ITGBL1: variants seen among roughly 807,000 people sequenced by gnomAD.
ITGBL1 encodes the protein integrin subunit beta like 1, also known as integrin beta-like protein 1.
ITGBL1 carries 51 observed loss-of-function variants against 68.5 expected under a neutral mutation model. The ratio of observed to expected loss-of-function variants is 0.74; its 90% CI spans 0.59 to 0.94. ITGBL1 has a LOEUF of 0.94. ITGBL1 is among the 40% of genes least tolerant of loss of function. The pLI, the probability that ITGBL1 is intolerant of heterozygous loss-of-function variation, is 0.00. For missense variants in ITGBL1, 649 were observed against 647.4 expected (o/e 1.00, Z -0.03); for synonymous variants, 209 against 227.3 (o/e 0.92, Z 0.72).
intron 6 of ITGBL1, among the ~76,000 whole-genome samples, chr13:101,596,045 G>A (rs1437775369): frequency 3.3e-4 from 2 of 6,094 alleles, no homozygotes; most frequent in Non-Finnish European, 7.9e-4. Flanking sequence ...ATTTACATAT[G>A]TGTGTGTGTG....
chr13:101,683,976 A>G (rs1045126042), intron 7 of ITGBL1, among the ~76,000 whole-genome samples: 1 of 151,914 alleles, frequency 6.6e-6, no homozygotes, highest in Non-Finnish European at 1.5e-5. Flanking sequence ...CAGTTGTCAG[A>G]TATGTGTGTC....
At chr13:101,718,930 C>G (rs962167795), downstream of ITGBL1, 11 of 151,972 alleles carry the variant, frequency 7.2e-5, no homozygotes, top group African/African-American at 2.7e-4. Flanking sequence ...CTATTTCACT[C>G]AAAGTAAGAC....
chr13:101,665,953 G>C (rs1268055972), intron 7 of ITGBL1, among the ~76,000 whole-genome samples: 1 of 152,084 alleles, frequency 6.6e-6, no homozygotes, highest in Non-Finnish European at 1.5e-5. Flanking sequence ...CTTTGTTATT[G>C]ATCCTTGTAG....
chr13:101,454,065 G>C lies in ITGBL1; in HGVS notation c.281G>C (p.Trp94Ser). Residue 94 changes from tryptophan (W) to serine (S), a missense_variant, in exon 2 of 11, where the codon TGG (tryptophan) becomes TCG (serine). By Grantham distance (177) the Trp-to-Ser change is radical (BLOSUM62 -3). Coordinates refer to ENST00000376180, the MANE Select transcript of ITGBL1 (RefSeq NM_004791.3). ...FFGPLCECHE[W>S]VCETYDGSTC... Reference sequence around the variant, plus strand: ...GGGCCCCTGTGTGAGTGCCATGAGTGGGTGTGCGAGACCTACGACGGGAGC... The same window carrying C: ...GGGCCCCTGTGTGAGTGCCATGAGTCGGTGTGCGAGACCTACGACGGGAGC... The C allele has an allele frequency of 6.3e-7, 1 of 1,589,384 alleles. No individual in the cohort carries two copies. Among genetic ancestry groups the C allele is most frequent in the Non-Finnish European group, 8.6e-7 (1 of 1,168,168 alleles).
chr13:101,522,003 C>T (rs755021371), intron 2 of ITGBL1, among the ~76,000 whole-genome samples: 8 of 151,600 alleles, frequency 5.3e-5, no homozygotes, highest in South Asian at 4.2e-4. Flanking sequence ...TTTATGCTCA[C>T]AGTGGGAGAG....
intron 2 of ITGBL1, among the ~76,000 whole-genome samples, chr13:101,474,159 G>T (rs1299390706): frequency 1.3e-5 from 2 of 152,144 alleles, no homozygotes; most frequent in African/African-American, 4.8e-5. Flanking sequence ...CAGTTCTACA[G>T]TTCTAGGCCT....
intron 3 of ITGBL1, among the ~76,000 whole-genome samples, chr13:101,569,435 C>G (rs9554807): frequency 6.6e-5 from 10 of 152,020 alleles, no homozygotes; most frequent in African/African-American, 2.4e-4. Flanking sequence ...ACAATGTAAA[C>G]GCATTTCTAG....
intron 7 of ITGBL1, among the ~76,000 whole-genome samples, chr13:101,647,881 GAAAGTGACTAAC>G (rs765002876): frequency 3.3e-5 from 5 of 152,188 alleles, no homozygotes; most frequent in Non-Finnish European, 5.9e-5. Flanking sequence ...AAGCCAAGAA[GAAAGTGACTAAC>G]AAATTGATTA....
intron 7 of ITGBL1, among the ~76,000 whole-genome samples, chr13:101,640,803 C>T (rs1051757993): frequency 2.6e-5 from 4 of 152,088 alleles, no homozygotes; most frequent in Non-Finnish European, 5.9e-5. Flanking sequence ...GTAGTCCCCA[C>T]TGTCTATTGT....
At chr13:101,615,481 G>T (rs2139375555) in intron 7 of ITGBL1, among the ~76,000 whole-genome samples, 1 of 152,186 alleles carries the variant, frequency 6.6e-6, no homozygotes, top group Middle Eastern at 3.4e-3. Flanking sequence ...TTGCTGATTT[G>T]TGCACATTAC....
At chr13:101,592,413 C>T (rs1035400531) in intron 6 of ITGBL1, among the ~76,000 whole-genome samples, 4 of 151,870 alleles carry the variant, frequency 2.6e-5, no homozygotes, top group Non-Finnish European at 4.4e-5. Flanking sequence ...TATCTGCGGT[C>T]GTGTCAAAAA....
At position 101,456,601 on chromosome 13, in the gene ITGBL1, A is replaced by G. The variant is rs971440406; in HGVS notation, c.316+2501A>G. 3.3e-5 allele frequency among the ~76,000 whole-genome samples: 5 copies of G among 152,154 alleles called. No individual in the cohort carries two copies. In the South Asian group the frequency reaches 6.2e-4, roughly 19 times the overall value. On this transcript the variant is annotated intron_variant, in intron 2 of 10. Coordinates refer to ENST00000376180, the MANE Select transcript of ITGBL1 (RefSeq NM_004791.3). The stretch of plus-strand genomic sequence containing the variant: ...AACAAAATCCTTCTCTTATAGTACT[A>G]TATCATGGAGTGATTAAAAGTGTGG...
chr13:101,658,711 G>C (rs1050877388), intron 7 of ITGBL1, among the ~76,000 whole-genome samples: 9 of 152,110 alleles, frequency 5.9e-5, no homozygotes, highest in Admixed American at 3.3e-4. Context: ...CTAATGACCT[G>C]CACAAGCATT....
chr13:101,585,982 A>C (rs1037032195), intron 6 of ITGBL1, among the ~76,000 whole-genome samples: 2 of 152,124 alleles, frequency 1.3e-5, no homozygotes, highest in Non-Finnish European at 2.9e-5. Context: ...CCTGTGAGCC[A>C]GTCCATCTCA....
intron 7 of ITGBL1, among the ~76,000 whole-genome samples, chr13:101,627,626 C>T (rs941119107): frequency 1.3e-5 from 2 of 152,178 alleles, no homozygotes; most frequent in Non-Finnish European, 2.9e-5. Flanking sequence ...TCACCCCTCT[C>T]TCCCTACAAC....
chr13:101,518,803 A>G (rs191410640), intron 2 of ITGBL1, among the ~76,000 whole-genome samples: 2 of 152,250 alleles, frequency 1.3e-5, no homozygotes, highest in East Asian at 3.9e-4. Context: ...ATATTAGTAC[A>G]TTGTAAACAC....
intron 2 of ITGBL1, among the ~76,000 whole-genome samples, chr13:101,537,174 A>C (rs2049593214): frequency 6.6e-6 from 1 of 151,952 alleles, no homozygotes; most frequent in Non-Finnish European, 1.5e-5. Flanking sequence ...ATTCTAATCA[A>C]CTTGTATATT....
chr13:101,713,007 A>T (rs1014567637), intron 9 of ITGBL1: 1 of 152,218 alleles, frequency 6.6e-6, no homozygotes, highest in Non-Finnish European at 1.5e-5. Flanking sequence ...GACCCTCAGG[A>T]AAACAAGTCA....
chr13:101,518,936 C>G (rs1001157049), intron 2 of ITGBL1, among the ~76,000 whole-genome samples: 5 of 152,112 alleles, frequency 3.3e-5, no homozygotes, highest in African/African-American at 9.7e-5. Context: ...AGGACTTGCA[C>G]TATGTTTTTA....
Sources: allele counts gnomAD v4.1 joint callset (sites outside exome capture counted in the v4.1 genomes callset), GRCh38; gene constraint gnomAD v4.1.1; transcripts MANE v1.5; gene names NCBI Gene and HGNC (gene_info 2026-07-23, HGNC 2026-07-21).